Variants in SLC35F3 observed in about 807,000 individuals in gnomAD.
The protein encoded by SLC35F3 is solute carrier family 35 member F3.
SLC35F3 carries 25 observed loss-of-function variants against 49.9 expected under a neutral mutation model. The ratio of observed to expected loss-of-function variants is 0.50; its 90% CI spans 0.37 to 0.70. SLC35F3 has a LOEUF of 0.70. Ranked by LOEUF, SLC35F3 falls within the 30% of genes least tolerant of loss-of-function variation. The pLI, the probability that SLC35F3 is intolerant of heterozygous loss-of-function variation, is 0.00. For missense variants in SLC35F3, 525 were observed against 639.8 expected, an observed-to-expected ratio of 0.82 and a Z score of 1.94; for synonymous variants, 275 against 265.4, an observed-to-expected ratio of 1.04 and a Z score of -0.35.
At chr1:234,306,941 A>C (rs1657212440) in intron 3 of SLC35F3, among the ~76,000 whole-genome samples, 1 of 152,212 alleles carries the variant, frequency 6.6e-6, no homozygotes, top group Non-Finnish European at 1.5e-5. Flanking sequence ...TCTCTTAGAA[A>C]GGGAAACCTC....
chr1:234,173,733 C>T (rs1666434400), intron 2 of SLC35F3, among the ~76,000 whole-genome samples: 1 of 152,208 alleles, frequency 6.6e-6, no homozygotes, highest in Admixed American at 6.5e-5. Flanking sequence ...TGCAGTGGGA[C>T]ATTCTGACCA....
chr1:234,248,740 G>A (rs1667686932), intron 3 of SLC35F3, among the ~76,000 whole-genome samples: 1 of 152,238 alleles, frequency 6.6e-6, no homozygotes, highest in Non-Finnish European at 1.5e-5. Context: ...TAAGCCCCAA[G>A]ATACAAATCT....
chr1:234,232,603 T>G (rs1452017766), intron 3 of SLC35F3, among the ~76,000 whole-genome samples: 8 of 150,708 alleles, frequency 5.3e-5, no homozygotes, highest in Non-Finnish European at 8.8e-5. Context: ...CCCTGGAAAC[T>G]TTTATCAGCC....
At chr1:233,993,020 A>G (rs1663390278) in intron 2 of SLC35F3, among the ~76,000 whole-genome samples, 1 of 152,172 alleles carries the variant, frequency 6.6e-6, no homozygotes, top group Admixed American at 6.5e-5. Flanking sequence ...TGTACTTGAA[A>G]TGCCCGTGCC....
At chr1:234,152,211 C>CATTATT (rs143679645) in intron 2 of SLC35F3, among the ~76,000 whole-genome samples, 11 of 142,624 alleles carry the variant, frequency 7.7e-5, no homozygotes, top group African/African-American at 2.3e-4. Flanking sequence ...AATGGAGTAA[C>CATTATT]ATTATTATTA....
chr1:233,968,270 C>G (rs944545291), intron 2 of SLC35F3, among the ~76,000 whole-genome samples: 2 of 152,136 alleles, frequency 1.3e-5, no homozygotes, highest in Non-Finnish European at 2.9e-5. Flanking sequence ...TATAAGGACA[C>G]AAATCATTTT....
intron 2 of SLC35F3, among the ~76,000 whole-genome samples, chr1:233,952,860 A>G (rs1159285368): frequency 6.6e-6 from 1 of 152,146 alleles, no homozygotes; most frequent in Non-Finnish European, 1.5e-5. Flanking sequence ...TCATCAAAAG[A>G]TGGAATTCGC....
intron 2 of SLC35F3, among the ~76,000 whole-genome samples, chr1:234,169,579 G>C (rs573797479): frequency 7.1e-6 from 1 of 141,694 alleles, no homozygotes; most frequent in African/African-American, 3.1e-5. Flanking sequence ...CATACTGCCT[G>C]TCAGGGACAT....
At chr1:234,257,059 G>A (rs1312252999) in intron 3 of SLC35F3, among the ~76,000 whole-genome samples, 2 of 152,104 alleles carry the variant, frequency 1.3e-5, no homozygotes, top group African/African-American at 2.4e-5. Flanking sequence ...AACTTAAAAC[G>A]GGTGCATTTT....
At chr1:234,155,429 A>G (rs1368044081) in intron 2 of SLC35F3, among the ~76,000 whole-genome samples, 1 of 149,278 alleles carries the variant, frequency 6.7e-6, no homozygotes. Context: ...TATTTTTGAG[A>G]GACAAAGTCT....
At chr1:234,304,126 A>C (rs1668739656) in intron 3 of SLC35F3, among the ~76,000 whole-genome samples, 1 of 129,022 alleles carries the variant, frequency 7.8e-6, no homozygotes, top group Non-Finnish European at 1.6e-5. Context: ...CTCTCATTTT[A>C]TGGGAGATTA....
intron 2 of SLC35F3, among the ~76,000 whole-genome samples, chr1:233,936,547 CCTCCT>C (rs1166300286): frequency 6.6e-6 from 1 of 151,714 alleles, no homozygotes; most frequent in East Asian, 1.9e-4. Flanking sequence ...TCCTCCTCCT[CCTCCT>C]CTTTCTTCTT....
rs552244925 is a variant in SLC35F3, at chr1:233,982,802, T to C, written c.283+77044T>C. 2.6e-5 allele frequency among the ~76,000 whole-genome samples: 4 copies of C among 152,310 alleles called. No homozygotes were observed. The East Asian group carries it at 7.7e-4, about 29-fold the overall frequency. On this transcript the variant is annotated intron_variant, in intron 2 of 7. Transcript: ENST00000366618. ...GTCCCTGCCTACACAAAGTTTATTC[T>C]CTGATCGGGAGGGAGACGTTAACAA...
intron 2 of SLC35F3, among the ~76,000 whole-genome samples, chr1:233,960,830 C>T (rs76608249): frequency 0.047 from 7,191 of 152,124 alleles, 261 homozygotes; most frequent in East Asian, 0.17. Context: ...GTTCTTTCGA[C>T]CTTGACCTTG....
At chr1:234,049,605 C>T (rs994324683) in intron 2 of SLC35F3, among the ~76,000 whole-genome samples, 1 of 152,112 alleles carries the variant, frequency 6.6e-6, no homozygotes, top group African/African-American at 2.4e-5. Flanking sequence ...CTAATACATC[C>T]CTCAATACTA....
chr1:234,147,262 A>G (rs1666012529), intron 2 of SLC35F3, among the ~76,000 whole-genome samples: 1 of 141,366 alleles, frequency 7.1e-6, no homozygotes, highest in Non-Finnish European at 1.5e-5. Context: ...GTTGGAAATC[A>G]TAGTGTAAAA....
intron 2 of SLC35F3, among the ~76,000 whole-genome samples, chr1:234,033,172 A>G (rs1664088029): frequency 1.3e-5 from 2 of 152,046 alleles, no homozygotes; most frequent in South Asian, 4.1e-4. Flanking sequence ...AGAATTGTCT[A>G]TACATGTCCT....
chr1:234,243,837 C>G (rs1558271481), intron 3 of SLC35F3, among the ~76,000 whole-genome samples: 1 of 152,224 alleles, frequency 6.6e-6, no homozygotes, highest in Non-Finnish European at 1.5e-5. Context: ...CCCCTGGCAT[C>G]TAACTTGGGC....
Position 234,323,291 on chromosome 1 carries a change from G to C in SLC35F3, c.*48G>C, listed in dbSNP as rs763955344. 6.5e-6 allele frequency: 10 copies of C among 1,543,448 alleles called. No individual in the cohort carries two copies. The East Asian group carries it at 2.3e-4, about 36-fold the overall frequency. The stretch of plus-strand genomic sequence containing the variant: ...GGTAATGACTGGGAGGTCTATTCCT[G>C]CCGGGAGGAACCTCAGTTGGGTAAG... On this transcript the variant is annotated 3_prime_UTR_variant, in exon 8 of 8. Coordinates refer to ENST00000366618, the MANE Select transcript of SLC35F3 (RefSeq NM_173508.4). The surrounding 1 kb of genome is among the most constrained non-coding windows in gnomAD (Gnocchi z 4.5).
Sources: allele counts gnomAD v4.1 joint callset (sites outside exome capture counted in the v4.1 genomes callset), GRCh38; gene constraint gnomAD v4.1.1; non-coding constraint Gnocchi (gnomAD v3.1); transcripts MANE v1.5; gene names NCBI Gene and HGNC (gene_info 2026-07-23, HGNC 2026-07-21).